MAGI2: variants seen among roughly 807,000 people sequenced by gnomAD.
MAGI2 encodes membrane-associated guanylate kinase, WW and PDZ domain-containing protein 2.
A neutral mutation model predicts 133.3 loss-of-function variants in MAGI2; 35 were observed. The observed-to-expected ratio is 0.26, with a 90% CI of 0.20 to 0.35. MAGI2 has a LOEUF of 0.35. MAGI2 is among the 10% of genes least tolerant of loss of function. The pLI, the probability that MAGI2 is intolerant of heterozygous loss-of-function variation, is 1.00. For missense variants in MAGI2, 1,636 were observed against 1,863.4 expected, an observed-to-expected ratio of 0.88 and a Z score of 2.25; for synonymous variants, 729 against 710.6, an observed-to-expected ratio of 1.03 and a Z score of -0.41.
intron 1 of MAGI2, among the ~76,000 whole-genome samples, chr7:79,284,634 G>A (rs751091762): frequency 2.6e-5 from 4 of 152,014 alleles, no homozygotes; most frequent in Non-Finnish European, 4.4e-5. Context: ...GATTTCAATA[G>A]GTTATCTTTG....
rs553689888 is a variant in MAGI2, at chr7:78,582,276, G to A, written c.538+44844C>T. 1.5e-4 allele frequency among the ~76,000 whole-genome samples: 23 copies of A among 152,310 alleles called. No homozygotes were observed. The South Asian group carries it at 3.9e-3, about 26-fold the overall frequency. On this transcript the variant is annotated intron_variant, in intron 3 of 21. Transcript: ENST00000354212. ...GGTATAAGGCAGGAAAGGAGTCTAA[G>A]AGCAACCACGTGGGAAGTGAAGGAG...
chr7:78,653,230 T>C (rs1811768992), intron 2 of MAGI2, among the ~76,000 whole-genome samples: 1 of 152,192 alleles, frequency 6.6e-6, no homozygotes, highest in African/African-American at 2.4e-5. Context: ...AGTGTGGTGA[T>C]TCCTCAAGGA....
intron 1 of MAGI2, among the ~76,000 whole-genome samples, chr7:79,141,158 C>T (rs960641550): frequency 2.6e-5 from 4 of 151,970 alleles, no homozygotes; most frequent in Non-Finnish European, 5.9e-5. Context: ...CAGTATCTGC[C>T]GCTCTTGACA....
chr7:78,327,382 G>C (rs920595456), intron 9 of MAGI2, among the ~76,000 whole-genome samples: 1 of 152,172 alleles, frequency 6.6e-6, no homozygotes, highest in African/African-American at 2.4e-5. Context: ...CACTGCCTGA[G>C]CAGATGTCCA....
In MAGI2 at chr7:78,489,756, C is replaced by A. The variant is rs779366610; in HGVS notation, c.1045+5G>T. On this transcript the variant is annotated splice_donor_5th_base_variant and intron_variant, in intron 6 of 21. Coordinates refer to ENST00000354212, the MANE Select transcript of MAGI2 (RefSeq NM_012301.4). ...CTGAAACACCATAAAAACTTAATAA[C>A]CTACCATTTTCTTTGCACTCTTCTG... 2.5e-6 allele frequency: 4 copies of A among 1,606,176 alleles called. No homozygotes were observed. The highest frequency in any genetic ancestry group is 3.4e-6 in the Non-Finnish European group (4 of 1,173,794).
chr7:78,419,028 T>G (rs2151395980), intron 6 of MAGI2, among the ~76,000 whole-genome samples: 1 of 152,228 alleles, frequency 6.6e-6, no homozygotes, highest in African/African-American at 2.4e-5. Context: ...TTATAGACAG[T>G]TAGGCTATAC....
chr7:79,447,255 A>T (rs1052845162), intron 1 of MAGI2, among the ~76,000 whole-genome samples: 1 of 152,172 alleles, frequency 6.6e-6, no homozygotes, highest in African/African-American at 2.4e-5. Flanking sequence ...TAACAATGTA[A>T]ATTCAGCAAT....
intron 3 of MAGI2, among the ~76,000 whole-genome samples, chr7:78,547,178 A>G (rs879310604): frequency 4.6e-5 from 7 of 152,210 alleles, no homozygotes; most frequent in Non-Finnish European, 8.8e-5. Flanking sequence ...CTTCCAGATA[A>G]AGACCCCAAA....
chr7:79,009,003 AC>A (rs1807765506), intron 1 of MAGI2: 1 of 151,514 alleles, frequency 6.6e-6, no homozygotes, highest in African/African-American at 2.4e-5. Context: ...TGGCAACTGC[AC>A]CCCCTCTTCC....
chr7:78,156,548 A>G (rs963998485), intron 16 of MAGI2, among the ~76,000 whole-genome samples: 32 of 152,174 alleles, frequency 2.1e-4, no homozygotes, highest in African/African-American at 7.0e-4. Flanking sequence ...ACTTCCACAT[A>G]TTCATCGAAC....
chr7:78,568,737 G>T (rs1801198804), intron 3 of MAGI2, among the ~76,000 whole-genome samples: 1 of 151,968 alleles, frequency 6.6e-6, no homozygotes, highest in African/African-American at 2.4e-5. Flanking sequence ...GCTTTAAAAT[G>T]TTGTACATAT....
At chr7:79,452,197 G>A (rs921142563) in intron 1 of MAGI2, among the ~76,000 whole-genome samples, 2 of 152,136 alleles carry the variant, frequency 1.3e-5, no homozygotes, top group Non-Finnish European at 2.9e-5. Context: ...CAACCCCTGA[G>A]TAAAGTCCAT....
chr7:79,353,023 A>G (rs961967217), intron 1 of MAGI2, among the ~76,000 whole-genome samples: 1 of 152,024 alleles, frequency 6.6e-6, no homozygotes, highest in South Asian at 2.1e-4. Flanking sequence ...TCTTATCTCT[A>G]TTTTAAAGTT....
intron 10 of MAGI2, among the ~76,000 whole-genome samples, chr7:78,237,753 A>G (rs1455361020): frequency 4.6e-5 from 7 of 152,194 alleles, no homozygotes; most frequent in Non-Finnish European, 5.9e-5. Flanking sequence ...ATAATAATGA[A>G]GAGACAATGT....
intron 1 of MAGI2, among the ~76,000 whole-genome samples, chr7:79,186,487 G>T (rs1198242585): frequency 6.7e-6 from 1 of 148,666 alleles, no homozygotes; most frequent in Middle Eastern, 3.2e-3. Context: ...AAACAATTGT[G>T]CAAGTAGATT....
chr7:78,719,134 A>G (rs1820009710), intron 2 of MAGI2, among the ~76,000 whole-genome samples: 1 of 152,188 alleles, frequency 6.6e-6, no homozygotes, highest in Non-Finnish European at 1.5e-5. Flanking sequence ...CATTCTGGAG[A>G]GCCAGTTTCC....
At chr7:78,956,244 T>C (rs551559019) in intron 2 of MAGI2, among the ~76,000 whole-genome samples, 107 of 152,268 alleles carry the variant, frequency 7.0e-4, no homozygotes, top group South Asian at 2.7e-3. Context: ...AATGATGTAT[T>C]TATGTAAGTT....
chr7:79,270,145 A>G (rs1234010522), intron 1 of MAGI2, among the ~76,000 whole-genome samples: 2 of 152,026 alleles, frequency 1.3e-5, no homozygotes, highest in Non-Finnish European at 2.9e-5. Context: ...ACCATTTTCC[A>G]CATCTTTATG....
intron 1 of MAGI2, among the ~76,000 whole-genome samples, chr7:79,191,028 C>A (rs1308853613): frequency 6.6e-6 from 1 of 151,660 alleles, no homozygotes; most frequent in Non-Finnish European, 1.5e-5. Flanking sequence ...TGTTCGACTG[C>A]ATGTTTTGTT....
Sources: allele counts gnomAD v4.1 joint callset (sites outside exome capture counted in the v4.1 genomes callset), GRCh38; gene constraint gnomAD v4.1.1; transcripts MANE v1.5; gene names NCBI Gene and HGNC (gene_info 2026-07-23, HGNC 2026-07-21).